LMO3: variants seen among roughly 807,000 people sequenced by gnomAD.
The protein encoded by LMO3 is LIM domain only protein 3.
A neutral mutation model predicts 15.8 loss-of-function variants in LMO3; 2 were observed. That is an observed-to-expected ratio of 0.13 (90% CI 0.05 to 0.40). The LOEUF (loss-of-function observed/expected upper bound fraction) is 0.40, where lower values mean the gene tolerates loss of function less well. Ranked by LOEUF, LMO3 falls within the 10% of genes least tolerant of loss-of-function variation. The pLI, the probability that LMO3 is intolerant of heterozygous loss-of-function variation, is 0.99. For missense variants in LMO3, 86 were observed against 182.2 expected, an observed-to-expected ratio of 0.47 and a Z score of 3.04; for synonymous variants, 62 against 63.8, an observed-to-expected ratio of 0.97 and a Z score of 0.13.
rs566122816 is a variant in LMO3, at chr12:16,601,015, G to A, written c.-8-147C>T. The A allele has an allele frequency of 2.4e-4, 147 of 610,254 alleles. No individual in the cohort carries two copies. In the African/African-American group the frequency reaches 2.5e-3, roughly 10 times the overall value. The allele number at this position is 610,254 out of a possible 1,614,324, so 37.8% of individuals were successfully genotyped here. ...TATACTGAAATCAAACCCAATTTTG[G>A]AAACAAAAAGTCTCAAACTTTATCA... On this transcript the variant is annotated intron_variant, in intron 1 of 3. Transcript: ENST00000537304.
At chr12:16,588,466 A>G (rs1451509670) in intron 2 of LMO3, among the ~76,000 whole-genome samples, 1 of 152,104 alleles carries the variant, frequency 6.6e-6, no homozygotes, top group Non-Finnish European at 1.5e-5. Context: ...AATATTAAAT[A>G]TAATGCTTTA....
rs1942325473 is a variant in LMO3 at position 16,559,839 on chromosome 12, GTACTCCCAGC to G, written c.332+564_332+573del. ...TAGCCAGGCATGGGAGTGCACACCT[GTACTCCCAGC>G]TACTCGGGAGGCTGAGGCAGGAGGA... is the stretch of plus-strand genomic sequence containing the variant. On this transcript the variant is annotated intron_variant, in intron 3 of 3. Transcript: ENST00000537304. The surrounding 1 kb of genome is among the most constrained non-coding windows in gnomAD (Gnocchi z 4.1). Among the ~76,000 whole-genome samples the G allele has an allele frequency of 6.6e-6, 1 of 151,500 alleles. No homozygotes were observed. Among genetic ancestry groups the G allele is most frequent in the Admixed American group, 6.6e-5 (1 of 15,210 alleles).
At chr12:16,590,926 C>T (rs1437047123) in intron 2 of LMO3, among the ~76,000 whole-genome samples, 1 of 151,736 alleles carries the variant, frequency 6.6e-6, no homozygotes, top group African/African-American at 2.4e-5. Context: ...ATCAATGGGG[C>T]CAAATAAAAA....
At chr12:16,558,237 A>C (rs1438587662) in intron 3 of LMO3, among the ~76,000 whole-genome samples, 1 of 152,082 alleles carries the variant, frequency 6.6e-6, no homozygotes, top group East Asian at 1.9e-4. Context: ...ATGGCTGGCT[A>C]TATATCAAAA....
At position 16,548,927 on chromosome 12, in the gene LMO3, C is replaced by T. The variant is rs902339787; in HGVS notation, c.*2295G>A. Reference sequence around the variant, plus strand: ...TCAGCATATTATGTAAAAGAAAAAGCAGTGAAAACCTTGTTTGGTCTTCCA... The same window carrying T: ...TCAGCATATTATGTAAAAGAAAAAGTAGTGAAAACCTTGTTTGGTCTTCCA... On this transcript the variant is annotated 3_prime_UTR_variant, in exon 4 of 4. Coordinates refer to ENST00000537304, the MANE Select transcript of LMO3 (RefSeq NM_018640.5). This position sits in a 1 kb window ranked among gnomAD's most constrained non-coding sequence, Gnocchi z 4.2. The T allele has an allele frequency of 1.3e-5, 2 of 152,030 alleles. No individual in the cohort carries two copies. The highest frequency in any genetic ancestry group is 2.9e-5 in the Non-Finnish European group (2 of 67,988). 9.4% of individuals were successfully genotyped at this position (152,030 alleles called of 1,614,324 possible). A position where few individuals can be genotyped will look rare whatever the true frequency, so the allele number is the denominator to read the frequency against.
chr12:16,579,188 C>G (rs1185265805), intron 2 of LMO3, among the ~76,000 whole-genome samples: 1 of 152,026 alleles, frequency 6.6e-6, no homozygotes, highest in African/African-American at 2.4e-5. Flanking sequence ...TATATATTCC[C>G]TTAGATACAC....
intron 2 of LMO3, among the ~76,000 whole-genome samples, chr12:16,592,386 A>G (rs748041238): frequency 1.3e-5 from 2 of 152,030 alleles, no homozygotes; most frequent in South Asian, 2.1e-4. Context: ...TTTGAAGGCA[A>G]TTACTTATAA....
At chr12:16,605,932 G>A in intron 1 of LMO3, 134 bp downstream of exon 1, 1 of 1,074,158 alleles carries the variant, frequency 9.3e-7, no homozygotes, top group Non-Finnish European at 1.4e-6. Flanking sequence ...GAGCTGGGTT[G>A]CAGCTCCAGT....
At position 16,600,808 on chromosome 12, in the gene LMO3, C is replaced by T. The variant is rs754453605; in HGVS notation, c.53G>A (p.Arg18Gln). Residue 18 changes from arginine to glutamine, a missense_variant, in exon 2 of 4, where the codon CGA becomes CAA. Physicochemically the swap from Arg to Gln is conservative, Grantham distance 43. Coordinates refer to ENST00000537304, the MANE Select transcript of LMO3 (RefSeq NM_018640.5). ...TAGAAGATACCGGTCCTTGATCTTT[C>T]GGTTGCAGCCAGCACAACCTTTCGG... ...TKPKGCAGCN[R>Q]KIKDRYLLKA... 32 of 1,613,994 alleles carry T rather than the reference C, an allele frequency of 2.0e-5. No individual in the cohort carries two copies. Among genetic ancestry groups the T allele is most frequent in the Admixed American group, 1.7e-4 (10 of 60,000 alleles).
In LMO3 at chr12:16,596,995, A is replaced by T. The variant is rs763414099; in HGVS notation, c.206+3660T>A. ...CCTGGCATATAAATATTGACTGGGT[A>T]GATTTCATAATTTCAGTCAGAAACA... On this transcript the variant is annotated intron_variant, in intron 2 of 3. Transcript: ENST00000537304. This position sits in a 1 kb window ranked among gnomAD's most constrained non-coding sequence, Gnocchi z 4.3. Among the ~76,000 whole-genome samples the T allele has an allele frequency of 2.0e-5, 3 of 151,820 alleles. No individual in the cohort carries two copies. Among genetic ancestry groups the T allele is most frequent in the Admixed American group, 6.6e-5 (1 of 15,222 alleles).
chr12:16,572,339 C>T (rs1418828912), intron 2 of LMO3, among the ~76,000 whole-genome samples: 36 of 89,536 alleles, frequency 4.0e-4, no homozygotes, highest in African/African-American at 7.5e-4. Flanking sequence ...GGTCCAAACT[C>T]TTTTTTTTTT....
At chr12:16,575,602 T>C (rs952267608) in intron 2 of LMO3, among the ~76,000 whole-genome samples, 1 of 152,126 alleles carries the variant, frequency 6.6e-6, no homozygotes, top group African/African-American at 2.4e-5. Flanking sequence ...ATCCATTTTA[T>C]GGATGAGGAA....
Position 16,585,367 on chromosome 12 carries a change from TAAAC to T in LMO3, c.206+15284_206+15287del, listed in dbSNP as rs1943286449. Among the ~76,000 whole-genome samples, 1 of 152,228 alleles carries T rather than the reference TAAAC, an allele frequency of 6.6e-6. No individual in the cohort carries two copies. The highest frequency in any genetic ancestry group is 2.1e-4 in the South Asian group (1 of 4,836). On this transcript the variant is annotated intron_variant, in intron 2 of 3. Transcript: ENST00000537304. The surrounding 1 kb of genome is among the most constrained non-coding windows in gnomAD (Gnocchi z 4.7). Reference sequence around the variant, plus strand: ...TTTAAAAAGTGGATTAACTTTATGTTAAACAATCACTTGGCCACAAAGATTAATA... The same window carrying T: ...TTTAAAAAGTGGATTAACTTTATGTTAATCACTTGGCCACAAAGATTAATA...
chr12:16,574,269 C>T (rs1230739259), intron 2 of LMO3, among the ~76,000 whole-genome samples: 1 of 152,020 alleles, frequency 6.6e-6, no homozygotes, highest in Non-Finnish European at 1.5e-5. Context: ...ACTCTTTAAA[C>T]CTTTTATTTT....
intron 3 of LMO3, among the ~76,000 whole-genome samples, chr12:16,554,869 A>C (rs1942132575): frequency 6.6e-6 from 1 of 152,018 alleles, no homozygotes; most frequent in Non-Finnish European, 1.5e-5. Context: ...CGTGTTAGCC[A>C]GGATGGTCTC....
At chr12:16,557,526 G>A (rs562826430) in intron 3 of LMO3, among the ~76,000 whole-genome samples, 1 of 152,162 alleles carries the variant, frequency 6.6e-6, no homozygotes, top group Non-Finnish European at 1.5e-5. Context: ...TATATACCTT[G>A]TTTAAGTAAT....
rs1418766399 is a variant in LMO3, at chr12:16,555,103, G to C, written c.333-3776C>G. 6.6e-6 allele frequency among the ~76,000 whole-genome samples: 1 copy of C among 152,210 alleles called. No individual in the cohort carries two copies. The highest frequency in any genetic ancestry group is 1.5e-5 in the Non-Finnish European group (1 of 68,040). On this transcript the variant is annotated intron_variant, in intron 3 of 3. Coordinates refer to ENST00000537304, the MANE Select transcript of LMO3 (RefSeq NM_018640.5). This position sits in a 1 kb window ranked among gnomAD's most constrained non-coding sequence, Gnocchi z 5.5. ...GGGATATTTTGAGTATTAAACGAAT[G>C]AGTACATGTAAAACACTCAGAACGG...
At chr12:16,556,792 G>A (rs1345032744) in intron 3 of LMO3, among the ~76,000 whole-genome samples, 1 of 152,134 alleles carries the variant, frequency 6.6e-6, no homozygotes, top group Non-Finnish European at 1.5e-5. Context: ...CTTGACTGAT[G>A]AAGATTAGCT....
intron 3 of LMO3, among the ~76,000 whole-genome samples, chr12:16,553,792 G>A (rs1209900194): frequency 6.6e-6 from 1 of 151,130 alleles, no homozygotes; most frequent in East Asian, 1.9e-4. Context: ...AAATTAATCT[G>A]TAACTGTGAT....
Sources: gnomAD v4.1 joint callset for allele counts (sites outside exome capture counted in the v4.1 genomes callset) on GRCh38, gnomAD v4.1.1 for gene constraint, Gnocchi (gnomAD v3.1) non-coding constraint, MANE v1.5 for transcripts, NCBI Gene and HGNC (gene_info 2026-07-23, HGNC 2026-07-21) for gene names.